Variants in LRRC31 observed in about 807,000 individuals in gnomAD.
LRRC31 encodes leucine-rich repeat-containing protein 31.
LRRC31 carries 35 observed loss-of-function variants against 46.7 expected under a neutral mutation model. That is an observed-to-expected ratio of 0.75 (90% CI 0.57 to 0.99). The LOEUF (loss-of-function observed/expected upper bound fraction) is 0.99. Among genes scored for constraint, LRRC31 ranks in the 50% least tolerant of loss-of-function variants. LRRC31 has a pLI of 0.00. For synonymous variants in LRRC31, 236 were observed against 235.1 expected (o/e 1.00, Z -0.03); for missense variants, 613 against 626.1 (o/e 0.98, Z 0.22).
chr3:169,862,725 C>T (rs1230185014), intron 1 of LRRC31, among the ~76,000 whole-genome samples: 1 of 151,986 alleles, frequency 6.6e-6, no homozygotes, highest in Non-Finnish European at 1.5e-5. Flanking sequence ...TGTGCCACTT[C>T]ACACCAGCCT....
At chr3:169,868,900 G>C (rs1326898319) in intron 1 of LRRC31, among the ~76,000 whole-genome samples, 1 of 152,044 alleles carries the variant, frequency 6.6e-6, no homozygotes, top group Non-Finnish European at 1.5e-5. Flanking sequence ...TGGGAAGGGT[G>C]TGTGTGTTGT....
intron 8 of LRRC31, among the ~76,000 whole-genome samples, chr3:169,845,815 CA>C (rs142429105): frequency 4.6e-5 from 7 of 151,808 alleles, no homozygotes; most frequent in African/African-American, 1.7e-4. Flanking sequence ...AGATGCAACA[CA>C]AAAAAACTCT....
In LRRC31 at chr3:169,869,928, A is replaced by T; in HGVS notation, c.-121T>A. ...GTGTTCAATCAAAATATCCTCCCCTACATGACTGCCCCCCACTCCCTGCCG... is the reference window on the plus strand; with the variant it reads ...GTGTTCAATCAAAATATCCTCCCCTTCATGACTGCCCCCCACTCCCTGCCG... On this transcript the variant is annotated 5_prime_UTR_variant, in exon 1 of 9. It removes the in-frame stop codon of an upstream open reading frame in the 5' UTR. Coordinates refer to ENST00000316428, the MANE Select transcript of LRRC31 (RefSeq NM_024727.4). The T allele has an allele frequency of 1.3e-6, 1 of 771,796 alleles. No homozygotes were observed. Among genetic ancestry groups the T allele is most frequent in the Non-Finnish European group, 1.9e-6 (1 of 519,794 alleles). 47.8% of individuals were successfully genotyped at this position (771,796 alleles called of 1,614,324 possible).
rs751696049 is a variant in LRRC31 at position 169,856,511 on chromosome 3, GA to G, written c.656-9del. The G allele has an allele frequency of 1.3e-5, 20 of 1,585,250 alleles. No individual in the cohort carries two copies. Among genetic ancestry groups the G allele is most frequent in the Non-Finnish European group, 1.7e-5 (20 of 1,167,484 alleles). On this transcript the variant is annotated splice_polypyrimidine_tract_variant and intron_variant, in intron 4 of 8. Coordinates refer to ENST00000316428, the MANE Select transcript of LRRC31 (RefSeq NM_024727.4). ...GCATAGGTAGCAGTTGACCTAGAAG[GA>G]AAGAAATCCAAATAAGAAGGGTAGG... is the stretch of plus-strand genomic sequence containing the variant.
At chr3:169,861,859 A>G in intron 1 of LRRC31, 46 bp from the exon 2 acceptor site, 2 of 1,578,894 alleles carry the variant, frequency 1.3e-6, no homozygotes, top group Non-Finnish European at 1.7e-6. Context: ...TGATGGATGT[A>G]TTAAAGATGC....
intron 1 of LRRC31, among the ~76,000 whole-genome samples, chr3:169,862,478 A>G (rs1781196165): frequency 6.6e-6 from 1 of 152,164 alleles, no homozygotes; most frequent in Non-Finnish European, 1.5e-5. Context: ...ATAACATGCT[A>G]GTGGCTGGGC....
intron 7 of LRRC31, among the ~76,000 whole-genome samples, chr3:169,850,046 CAG>C (rs1429935223): frequency 2.6e-5 from 4 of 152,160 alleles, no homozygotes; most frequent in African/African-American, 4.8e-5. Context: ...ATGCTAAAAA[CAG>C]AGTCCTTCTC....
intron 1 of LRRC31, among the ~76,000 whole-genome samples, chr3:169,867,324 C>G (rs895147712): frequency 7.3e-6 from 1 of 136,704 alleles, no homozygotes; most frequent in African/African-American, 2.8e-5. Flanking sequence ...GTGGTGCAAT[C>G]TTGGCTCACT....
chr3:169,852,427 A>AGC (rs1371048380), intron 6 of LRRC31, among the ~76,000 whole-genome samples: 1 of 134,316 alleles, frequency 7.4e-6, no homozygotes, highest in African/African-American at 3.0e-5. Flanking sequence ...AAAAAAAAAA[A>AGC]AAAACTCTTA....
intron 3 of LRRC31, among the ~76,000 whole-genome samples, 193 bp from the exon 4 acceptor site, chr3:169,857,065 G>T (rs754367866): frequency 7.9e-5 from 12 of 151,960 alleles, no homozygotes; most frequent in South Asian, 4.2e-4. Context: ...AGATTTACAG[G>T]CACAGTCATT....
At chr3:169,865,880 G>A (rs374904045) in intron 1 of LRRC31, among the ~76,000 whole-genome samples, 3 of 152,088 alleles carry the variant, frequency 2.0e-5, no homozygotes, top group Non-Finnish European at 2.9e-5. Context: ...ATGGTGACAC[G>A]AGGGAACATC....
chr3:169,866,064 T>A (rs894938276), intron 1 of LRRC31, among the ~76,000 whole-genome samples: 2 of 152,096 alleles, frequency 1.3e-5, no homozygotes, highest in African/African-American at 4.8e-5. Flanking sequence ...CACTAATACC[T>A]TGAGGGCCAT....
chr3:169,869,915 A>C lies in LRRC31; in HGVS notation c.-108T>G. 2 of 1,004,486 alleles carry C rather than the reference A, an allele frequency of 2.0e-6. No homozygotes were observed. Among genetic ancestry groups the C allele is most frequent in the South Asian group, 4.2e-5 (2 of 47,550 alleles). 62.2% of individuals were successfully genotyped at this position (1,004,486 alleles called of 1,614,324 possible). A position where few individuals can be genotyped will look rare whatever the true frequency, so the allele number is the denominator to read the frequency against. On this transcript the variant is annotated 5_prime_UTR_variant, in exon 1 of 9. It adds an upstream start codon to the 5' untranslated region. Transcript: ENST00000316428. Reference sequence around the variant, plus strand: ...TTCTGTCAAGCCTGTGTTCAATCAAAATATCCTCCCCTACATGACTGCCCC... The same window carrying C: ...TTCTGTCAAGCCTGTGTTCAATCAACATATCCTCCCCTACATGACTGCCCC...
intron 1 of LRRC31, 66 bp from the exon 2 acceptor site, chr3:169,861,879 ACAAT>A (rs1781178089): frequency 6.7e-7 from 1 of 1,490,422 alleles, no homozygotes; most frequent in Non-Finnish European, 9.2e-7. Context: ...CATAATGACC[ACAAT>A]CAGACAAGTG....
chr3:169,868,521 G>A (rs1263805039), intron 1 of LRRC31, among the ~76,000 whole-genome samples: 1 of 152,090 alleles, frequency 6.6e-6, no homozygotes, highest in East Asian at 1.9e-4. Context: ...TTTCATGGCT[G>A]TATTTCTAAC....
chr3:169,854,942 C>T lies in LRRC31; in HGVS notation c.862G>A (p.Asp288Asn), dbSNP rs1156481462. Reference protein sequence around the residue: ...FRYLGELRKLDLSCNKDLGGG... With the variant: ...FRYLGELRKLNLSCNKDLGGG... ...CCTAGATCCTTATTGCAGGAAAGATCTAATTTCCTCAGCTCACCCAAATAC... is the reference window on the plus strand; with the variant it reads ...CCTAGATCCTTATTGCAGGAAAGATTTAATTTCCTCAGCTCACCCAAATAC... Residue 288 changes from aspartate to asparagine, a missense_variant, in exon 6 of 9, where the codon GAT becomes AAT. Coordinates refer to ENST00000316428, the MANE Select transcript of LRRC31 (RefSeq NM_024727.4). 6.2e-7 allele frequency: 1 copy of T among 1,612,248 alleles called. No individual in the cohort carries two copies. Among genetic ancestry groups the T allele is most frequent in the Non-Finnish European group, 8.5e-7 (1 of 1,179,948 alleles).
rs1257939991 is a variant in LRRC31, at chr3:169,860,543, GA to G, written c.487+17del. On this transcript the variant is annotated intron_variant, in intron 3 of 8. Coordinates refer to ENST00000316428, the MANE Select transcript of LRRC31 (RefSeq NM_024727.4). ...GCGCCCGGCCGAATCCATCTTTTAAGAAATGCATTCATCATACCCAGTGCTT... is the reference window on the plus strand; with the variant it reads ...GCGCCCGGCCGAATCCATCTTTTAAGAATGCATTCATCATACCCAGTGCTT... 6.2e-7 allele frequency: 1 copy of G among 1,613,084 alleles called. No homozygotes were observed. Among genetic ancestry groups the G allele is most frequent in the Non-Finnish European group, 8.5e-7 (1 of 1,179,214 alleles).
chr3:169,854,329 C>T (rs1296692179), intron 6 of LRRC31, among the ~76,000 whole-genome samples: 1 of 152,198 alleles, frequency 6.6e-6, no homozygotes, highest in East Asian at 1.9e-4. Context: ...AATTACAGAA[C>T]TATGTTTGCA....
chr3:169,860,495 T>C, intron 3 of LRRC31, 66 bp downstream of exon 3: 1 of 1,544,376 alleles, frequency 6.5e-7, no homozygotes, highest in Non-Finnish European at 8.9e-7. Context: ...CCCAAAGTGT[T>C]AGGATTACAG....
Sources: gnomAD v4.1 joint callset for allele counts (sites outside exome capture counted in the v4.1 genomes callset) on GRCh38, gnomAD v4.1.1 for gene constraint, MANE v1.5 for transcripts, NCBI Gene and HGNC (gene_info 2026-07-23, HGNC 2026-07-21) for gene names.